The following ANO10 variants were observed in gnomAD, a reference collection of about 807,000 sequenced individuals.
The protein encoded by ANO10 is anoctamin-10.
A neutral mutation model predicts 74.7 loss-of-function variants in ANO10; 77 were observed. The ratio of observed to expected loss-of-function variants is 1.03; its 90% confidence interval spans 0.86 to 1.25. The LOEUF (loss-of-function observed/expected upper bound fraction) is 1.25, where lower values mean the gene tolerates loss of function less well. ANO10 is among the 50% of genes most tolerant of loss of function. The pLI is 0.00. For missense variants in ANO10, 721 were observed against 778.1 expected (o/e 0.93, Z 0.87); for synonymous variants, 279 against 284.9 (o/e 0.98, Z 0.21).
chr3:43,683,713 T>A (rs1236482719), intron 1 of ANO10, among the ~76,000 whole-genome samples: 1 of 152,186 alleles, frequency 6.6e-6, no homozygotes, highest in Non-Finnish European at 1.5e-5. Context: ...AACAGCATGG[T>A]ACTGGTACCA....
intron 12 of ANO10, among the ~76,000 whole-genome samples, chr3:43,405,371 C>T (rs1176072581): frequency 6.6e-6 from 1 of 152,216 alleles, no homozygotes; most frequent in Non-Finnish European, 1.5e-5. Context: ...GTGAGAATGG[C>T]CACTTGGGCC....
intron 1 of ANO10, among the ~76,000 whole-genome samples, chr3:43,614,814 A>G (rs2083017847): frequency 1.7e-5 from 1 of 57,996 alleles, no homozygotes; most frequent in African/African-American, 4.6e-5. Context: ...GGTTCATTAC[A>G]GTTTTTTATG....
chr3:43,591,952 C>G (rs2081789987), intron 4 of ANO10, among the ~76,000 whole-genome samples: 1 of 152,228 alleles, frequency 6.6e-6, no homozygotes, highest in Non-Finnish European at 1.5e-5. Context: ...GAGATTATAT[C>G]CTGTGCCTGG....
chr3:43,387,556 C>A (rs2092157953), intron 12 of ANO10, among the ~76,000 whole-genome samples: 1 of 152,122 alleles, frequency 6.6e-6, no homozygotes, highest in African/African-American at 2.4e-5. Flanking sequence ...GACATGAGAT[C>A]CCCTTTCCAT....
chr3:43,392,750 C>A (rs1012959845), intron 12 of ANO10, among the ~76,000 whole-genome samples: 4 of 152,122 alleles, frequency 2.6e-5, no homozygotes, highest in Admixed American at 6.6e-5. Flanking sequence ...ACTCTTCAGT[C>A]GACATTCTAT....
chr3:43,638,584 A>G (rs1358686189), intron 1 of ANO10: 2 of 152,222 alleles, frequency 1.3e-5, no homozygotes, highest in Admixed American at 1.3e-4. Flanking sequence ...AAAATACTTT[A>G]ACTCACAAGT....
At chr3:43,404,022 G>T (rs1169975269) in intron 12 of ANO10, among the ~76,000 whole-genome samples, 1 of 152,156 alleles carries the variant, frequency 6.6e-6, no homozygotes, top group Non-Finnish European at 1.5e-5. Flanking sequence ...CCCACAGTAG[G>T]TTATGTTATA....
intron 10 of ANO10, among the ~76,000 whole-genome samples, chr3:43,551,046 C>T (rs1414752525): frequency 3.3e-5 from 5 of 152,198 alleles, no homozygotes; most frequent in Non-Finnish European, 7.3e-5. Context: ...ACTAAAAGAG[C>T]TCCCTCATTC....
intron 1 of ANO10, among the ~76,000 whole-genome samples, chr3:43,612,705 C>T (rs780241336): frequency 2.6e-5 from 4 of 152,158 alleles, no homozygotes; most frequent in Non-Finnish European, 5.9e-5. Flanking sequence ...AAGGAGTGGC[C>T]AACACTGCAT....
chr3:43,691,138 G>A (rs2084369431), intron 1 of ANO10: 2 of 1,226,544 alleles, frequency 1.6e-6, no homozygotes, highest in Admixed American at 4.0e-5. Flanking sequence ...GTCGCCGCCC[G>A]CCTGGCGACG....
chr3:43,432,496 T>C, intron 12 of ANO10, 115 bp downstream of exon 12: 1 of 892,042 alleles, frequency 1.1e-6, no homozygotes. Flanking sequence ...GTCCTCTGTA[T>C]TCATTTAAAC....
At chr3:43,674,322 T>C (rs991930500) in intron 1 of ANO10, among the ~76,000 whole-genome samples, 5 of 152,148 alleles carry the variant, frequency 3.3e-5, no homozygotes, top group Admixed American at 6.5e-5. Context: ...TACTTATTTT[T>C]ATTTTTTCGT....
At chr3:43,409,589 A>G (rs1442350645) in intron 12 of ANO10, among the ~76,000 whole-genome samples, 1 of 152,158 alleles carries the variant, frequency 6.6e-6, no homozygotes, top group Admixed American at 6.6e-5. Context: ...AGGAAGCACT[A>G]TTCTTACTCC....
chr3:43,431,204 C>A (rs1230003118), intron 12 of ANO10, among the ~76,000 whole-genome samples: 1 of 151,814 alleles, frequency 6.6e-6, no homozygotes, highest in Non-Finnish European at 1.5e-5. Flanking sequence ...TCCCAAGTAG[C>A]TGTTACTACA....
At chr3:43,523,804 A>G (rs2078065357) in intron 11 of ANO10, among the ~76,000 whole-genome samples, 1 of 152,248 alleles carries the variant, frequency 6.6e-6, no homozygotes. Flanking sequence ...AACGCAAGCC[A>G]TGGAGTAGAC....
At chr3:43,643,714 C>T (rs376448229) in intron 1 of ANO10, among the ~76,000 whole-genome samples, 1 of 138,274 alleles carries the variant, frequency 7.2e-6, no homozygotes, top group Non-Finnish European at 1.5e-5. Flanking sequence ...GATGGAGTCT[C>T]GCTCTGTCGC....
intron 11 of ANO10, among the ~76,000 whole-genome samples, chr3:43,533,805 A>G (rs1303076000): frequency 6.6e-6 from 1 of 152,236 alleles, no homozygotes; most frequent in Non-Finnish European, 1.5e-5. Flanking sequence ...CATTCAAGTC[A>G]TAAATTCCAA....
At chr3:43,660,323 A>G (rs2083911553) in intron 1 of ANO10, among the ~76,000 whole-genome samples, 1 of 152,182 alleles carries the variant, frequency 6.6e-6, no homozygotes, top group Non-Finnish European at 1.5e-5. Context: ...CATGTTCTAA[A>G]ACATCACATG....
chr3:43,572,345 G>A (rs919309787), intron 7 of ANO10, among the ~76,000 whole-genome samples: 1 of 152,160 alleles, frequency 6.6e-6, no homozygotes, highest in Non-Finnish European at 1.5e-5. Flanking sequence ...GCACTGGCAA[G>A]AAGGACCCTA....
Sources: allele counts gnomAD v4.1 joint callset (sites outside exome capture counted in the v4.1 genomes callset), GRCh38; gene constraint gnomAD v4.1.1; transcripts MANE v1.5; gene names NCBI Gene and HGNC (gene_info 2026-07-23, HGNC 2026-07-21).